The following SCFD2 variants were observed in gnomAD, a reference collection of about 807,000 sequenced individuals.
SCFD2 encodes the protein sec1 family domain containing 2, also known as sec1 family domain-containing protein 2.
SCFD2 carries 54 observed loss-of-function variants against 58.9 expected under a neutral mutation model. The observed-to-expected ratio is 0.92, with a 90% CI of 0.74 to 1.15. The LOEUF (loss-of-function observed/expected upper bound fraction) is 1.15, where lower values mean the gene tolerates loss of function less well. Ranked by LOEUF, SCFD2 falls within the 50% of genes most tolerant of loss-of-function variation. The pLI is 0.00. For missense variants in SCFD2, 805 were observed against 836.6 expected, an observed-to-expected ratio of 0.96 and a Z score of 0.47; for synonymous variants, 321 against 335.9, an observed-to-expected ratio of 0.96 and a Z score of 0.49.
At chr4:53,024,636 T>C (rs1390901243) in intron 5 of SCFD2, among the ~76,000 whole-genome samples, 1 of 152,002 alleles carries the variant, frequency 6.6e-6, no homozygotes, top group Admixed American at 6.6e-5. Context: ...AAAAATAAAA[T>C]ATTCCCATGT....
intron 5 of SCFD2, among the ~76,000 whole-genome samples, chr4:53,141,361 C>T (rs184621545): frequency 1.0e-3 from 158 of 152,228 alleles, no homozygotes; most frequent in Middle Eastern, 6.8e-3. Flanking sequence ...CCCAGCTTTA[C>T]GTAACTGCAA....
intron 5 of SCFD2, among the ~76,000 whole-genome samples, chr4:53,091,253 T>C (rs1161592760): frequency 1.3e-5 from 2 of 151,914 alleles, no homozygotes; most frequent in Non-Finnish European, 2.9e-5. Context: ...TTAAAAGAGA[T>C]GCACATAGCA....
chr4:53,229,789 A>G (rs1476782888), intron 4 of SCFD2, among the ~76,000 whole-genome samples: 2 of 152,228 alleles, frequency 1.3e-5, no homozygotes, highest in African/African-American at 2.4e-5. Flanking sequence ...ATTAAACTAA[A>G]GAGCTTCTGC....
At chr4:53,341,753 G>A (rs796465110) in intron 2 of SCFD2, among the ~76,000 whole-genome samples, 13 of 152,310 alleles carry the variant, frequency 8.5e-5, no homozygotes, top group African/African-American at 3.1e-4. Flanking sequence ...ACTAACAGCA[G>A]ATCTCTCGGC....
intron 6 of SCFD2, among the ~76,000 whole-genome samples, chr4:52,918,919 C>G (rs1457633678): frequency 6.6e-6 from 1 of 152,120 alleles, no homozygotes; most frequent in African/African-American, 2.4e-5. Flanking sequence ...TTTATTTAAT[C>G]CCCCCAATGT....
At chr4:52,975,341 C>T (rs1013367287) in intron 5 of SCFD2, among the ~76,000 whole-genome samples, 6 of 152,056 alleles carry the variant, frequency 3.9e-5, no homozygotes, top group Admixed American at 1.3e-4. Context: ...ACAAACAACC[C>T]CATCAAAAAG....
chr4:52,989,169 T>C (rs897030722), intron 5 of SCFD2, among the ~76,000 whole-genome samples: 2 of 152,130 alleles, frequency 1.3e-5, no homozygotes, highest in Non-Finnish European at 2.9e-5. Flanking sequence ...ATGAACAGAG[T>C]GGGCAATCAT....
intron 4 of SCFD2, among the ~76,000 whole-genome samples, chr4:53,149,536 T>C (rs1465293020): frequency 2.0e-5 from 3 of 152,246 alleles, no homozygotes. Context: ...AAGTAACCTA[T>C]GTAGATACTT....
intron 4 of SCFD2, among the ~76,000 whole-genome samples, chr4:53,163,158 GCAGGTTAGAC>G (rs1726905280): frequency 6.6e-6 from 1 of 152,208 alleles, no homozygotes. Flanking sequence ...CAGAAGCTCT[GCAGGTTAGAC>G]CAGCATATTT....
intron 5 of SCFD2, among the ~76,000 whole-genome samples, chr4:53,051,236 C>T (rs943559406): frequency 6.6e-6 from 1 of 152,168 alleles, no homozygotes; most frequent in African/African-American, 2.4e-5. Context: ...ATCACTATGG[C>T]AGACTGGTTA....
At chr4:53,089,425 A>ATTTCTTTATGAAAATTTT (rs1560330451) in intron 5 of SCFD2, among the ~76,000 whole-genome samples, 1 of 152,108 alleles carries the variant, frequency 6.6e-6, no homozygotes, top group Non-Finnish European at 1.5e-5. Context: ...GAACCACAAA[A>ATTTCTTTATGAAAATTTT]TTTCTTTATG....
chr4:53,352,843 CCTT>C lies in SCFD2; in HGVS notation c.839-80_839-78del. 2.5e-6 allele frequency: 3 copies of C among 1,220,018 alleles called. No individual in the cohort carries two copies. In the South Asian group the frequency reaches 4.0e-5, roughly 16 times the overall value. The allele number at this position is 1,220,018 out of a possible 1,614,324, so 75.6% of individuals were successfully genotyped here. ...AGTTGGATAAATGTTTTATCACACA[CCTT>C]CTATCAAAAATAACATACATTTTTA... On this transcript the variant is annotated intron_variant, in intron 1 of 8. Transcript: ENST00000401642.
chr4:53,113,251 C>T (rs941373032), intron 5 of SCFD2, among the ~76,000 whole-genome samples: 5 of 152,094 alleles, frequency 3.3e-5, no homozygotes, highest in Non-Finnish European at 1.5e-5. Flanking sequence ...GGTAGGACTG[C>T]ACTTTTCCTA....
At chr4:53,248,362 G>A (rs567005992) in intron 4 of SCFD2, among the ~76,000 whole-genome samples, 1 of 152,240 alleles carries the variant, frequency 6.6e-6, no homozygotes, top group Non-Finnish European at 1.5e-5. Context: ...GCCCGCCATT[G>A]CTCAGGCTTC....
At chr4:53,167,907 A>C (rs1299176332) in intron 4 of SCFD2, among the ~76,000 whole-genome samples, 1 of 152,220 alleles carries the variant, frequency 6.6e-6, no homozygotes, top group Non-Finnish European at 1.5e-5. Context: ...CATGTGCAAA[A>C]TGAATAATTA....
intron 5 of SCFD2, among the ~76,000 whole-genome samples, chr4:53,062,622 G>A (rs1723546993): frequency 6.6e-6 from 1 of 152,082 alleles, no homozygotes; most frequent in East Asian, 1.9e-4. Context: ...GTCAGCTGGG[G>A]AGCCTGGGAG....
intron 3 of SCFD2, among the ~76,000 whole-genome samples, chr4:53,292,953 G>A (rs1225441912): frequency 3.3e-5 from 5 of 152,196 alleles, no homozygotes; most frequent in African/African-American, 9.6e-5. Context: ...AAATTCATAG[G>A]TGGAGCAAAC....
In SCFD2 at chr4:53,145,524, G is replaced by C. The variant is rs1241902298; in HGVS notation, c.1370C>G (p.Pro457Arg). ...GTCCTCGTTGGTTCTCTGGGTTACA[G>C]GCTTAATCATGGGCAGCAGCTGATT... ...VLNQLLPMIK[P>R]VTQRTNEDYS... The change falls in exon 5 of 9, where the codon CCT becomes CGT. Residue 457 changes from proline (P) to arginine (R), a missense_variant. This residue lies in a region of SCFD2 where 633 missense variants were observed against 646.8 expected (regional missense o/e 0.98). Coordinates refer to ENST00000401642, the MANE Select transcript of SCFD2 (RefSeq NM_152540.4). 1.9e-6 allele frequency: 3 copies of C among 1,613,956 alleles called. No individual in the cohort carries two copies. The African/African-American group carries it at 4.0e-5, about 22-fold the overall frequency.
intron 5 of SCFD2, among the ~76,000 whole-genome samples, chr4:53,047,501 C>G (rs180783414): frequency 1.3e-5 from 2 of 152,292 alleles, no homozygotes; most frequent in Admixed American, 1.3e-4. Context: ...CAAGTATTTT[C>G]TTTGCAGGTT....
Sources: gnomAD v4.1 joint callset for allele counts (sites outside exome capture counted in the v4.1 genomes callset) on GRCh38, gnomAD v4.1.1 for gene constraint, gnomAD v4.1.1 regional missense constraint, MANE v1.5 for transcripts, NCBI Gene and HGNC (gene_info 2026-07-23, HGNC 2026-07-21) for gene names.